Variants in NKAIN2 observed in about 807,000 individuals in gnomAD.
NKAIN2 encodes sodium/potassium transporting ATPase interacting 2, also known as sodium/potassium-transporting ATPase subunit beta-1-interacting protein 2.
NKAIN2 carries 14 observed loss-of-function variants against 32.6 expected under a neutral mutation model. That is an observed-to-expected ratio of 0.43 (90% CI 0.28 to 0.67). The LOEUF (loss-of-function observed/expected upper bound fraction) is 0.67, where lower values mean the gene tolerates loss of function less well. NKAIN2 is among the 30% of genes least tolerant of loss of function. The pLI, the probability that NKAIN2 is intolerant of heterozygous loss-of-function variation, is 0.17. For missense variants in NKAIN2, 198 were observed against 258.3 expected (o/e 0.77, Z 1.60); for synonymous variants, 80 against 87.2 (o/e 0.92, Z 0.46).
chr6:124,722,130 A>G (rs1377101130), intron 4 of NKAIN2, among the ~76,000 whole-genome samples: 1 of 152,178 alleles, frequency 6.6e-6, no homozygotes, highest in Non-Finnish European at 1.5e-5. Context: ...AAGGTTTATC[A>G]ATGTTGTAGC....
intron 3 of NKAIN2, among the ~76,000 whole-genome samples, chr6:124,636,156 C>T (rs1335541779): frequency 6.6e-6 from 1 of 151,518 alleles, no homozygotes; most frequent in African/African-American, 2.4e-5. Flanking sequence ...TTGGAAACCA[C>T]ACATGTCCAT....
rs139486641 is a variant in NKAIN2 at position 124,241,746 on chromosome 6, G to A, written c.55-41259G>A. Among the ~76,000 whole-genome samples the A allele has an allele frequency of 8.3e-3, 1,258 of 152,166 alleles. 8 individuals are homozygous for A. Among genetic ancestry groups the A allele is most frequent in the Admixed American group, 0.014 (207 of 15,260 alleles). On this transcript the variant is annotated intron_variant, in intron 1 of 6. Transcript: ENST00000368417. ...TATAATTGAGAAAAGCTTTCTACTG[G>A]AGAAATTACTATAAATCCCTCCACT...
intron 2 of NKAIN2, among the ~76,000 whole-genome samples, chr6:124,317,126 TA>T (rs144905995): frequency 0.059 from 8,925 of 150,488 alleles, 435 homozygotes; most frequent in East Asian, 0.24. Context: ...AACATCTCTT[TA>T]AAAAATAAAA....
At chr6:124,462,922 G>A (rs1326147040) in intron 3 of NKAIN2, among the ~76,000 whole-genome samples, 1 of 151,942 alleles carries the variant, frequency 6.6e-6, no homozygotes, top group Non-Finnish European at 1.5e-5. Context: ...AAAATCTTAA[G>A]CATTTATTCC....
intron 2 of NKAIN2, among the ~76,000 whole-genome samples, chr6:124,323,895 C>T (rs1368353729): frequency 6.7e-6 from 1 of 149,270 alleles, no homozygotes; most frequent in Non-Finnish European, 1.5e-5. Context: ...ACATGCCATT[C>T]TCCTGCCTCA....
intron 1 of NKAIN2, among the ~76,000 whole-genome samples, chr6:123,914,340 A>G (rs1302325627): frequency 3.3e-5 from 5 of 151,936 alleles, no homozygotes; most frequent in Non-Finnish European, 7.4e-5. Context: ...AGAGAGGGAA[A>G]AAGACATGTC....
At chr6:124,113,484 T>C (rs1465731523) in intron 1 of NKAIN2, among the ~76,000 whole-genome samples, 1 of 152,156 alleles carries the variant, frequency 6.6e-6, no homozygotes, top group Admixed American at 6.5e-5. Flanking sequence ...CACTCTGTGC[T>C]GAGCAGTGGG....
At chr6:124,634,340 C>A (rs774986057) in intron 3 of NKAIN2, among the ~76,000 whole-genome samples, 2 of 151,954 alleles carry the variant, frequency 1.3e-5, no homozygotes, top group Admixed American at 6.6e-5. Flanking sequence ...CACTGATAGA[C>A]AATTAAACAA....
intron 1 of NKAIN2, among the ~76,000 whole-genome samples, chr6:124,242,975 T>C (rs1793189589): frequency 6.6e-6 from 1 of 151,190 alleles, no homozygotes; most frequent in Non-Finnish European, 1.5e-5. Context: ...CACCATGGCA[T>C]GTGTACACCT....
chr6:124,331,374 A>AAAAAAAAAAC (rs1797649524), intron 2 of NKAIN2, among the ~76,000 whole-genome samples: 1 of 144,904 alleles, frequency 6.9e-6, no homozygotes, highest in African/African-American at 2.6e-5. Flanking sequence ...AAAAAAAAAA[A>AAAAAAAAAAC]AAAAACTAGC....
intron 1 of NKAIN2, among the ~76,000 whole-genome samples, chr6:123,804,807 A>G (rs1014724140): frequency 2.0e-5 from 3 of 152,156 alleles, no homozygotes; most frequent in Non-Finnish European, 2.9e-5. Flanking sequence ...AGCCACATTG[A>G]GTTTTTAAAG....
intron 4 of NKAIN2, among the ~76,000 whole-genome samples, chr6:124,780,557 A>C (rs910483130): frequency 6.6e-6 from 1 of 152,232 alleles, no homozygotes; most frequent in Non-Finnish European, 1.5e-5. Flanking sequence ...CCAGAGATTT[A>C]ATATGGAAGA....
At chr6:124,104,450 T>C (rs1177591257) in intron 1 of NKAIN2, among the ~76,000 whole-genome samples, 1 of 152,188 alleles carries the variant, frequency 6.6e-6, no homozygotes, top group Non-Finnish European at 1.5e-5. Flanking sequence ...TTTTATGTTA[T>C]AGCAAGTGAA....
chr6:124,174,679 A>T (rs939981167), intron 1 of NKAIN2, among the ~76,000 whole-genome samples: 1 of 152,140 alleles, frequency 6.6e-6, no homozygotes, highest in East Asian at 1.9e-4. Context: ...GCATCAAGAG[A>T]TTATTAAGGG....
intron 2 of NKAIN2, among the ~76,000 whole-genome samples, chr6:124,352,481 A>G: frequency 6.6e-6 from 1 of 152,242 alleles, no homozygotes; most frequent in East Asian, 1.9e-4. Flanking sequence ...GAAATTAAAA[A>G]GCTTCAGCAT....
intron 1 of NKAIN2, among the ~76,000 whole-genome samples, chr6:124,047,595 T>G (rs546072338): frequency 6.6e-6 from 1 of 152,124 alleles, no homozygotes; most frequent in African/African-American, 2.4e-5. Context: ...TTTCAGAGCC[T>G]GTGCTGTAAA....
chr6:124,695,449 A>T (rs916940088), intron 4 of NKAIN2, among the ~76,000 whole-genome samples: 1 of 152,208 alleles, frequency 6.6e-6, no homozygotes, highest in Non-Finnish European at 1.5e-5. Flanking sequence ...ACTCTCTTGC[A>T]AGAATTTTCC....
intron 1 of NKAIN2, among the ~76,000 whole-genome samples, chr6:124,123,212 G>A (rs1205184331): frequency 6.6e-6 from 1 of 151,962 alleles, no homozygotes; most frequent in Non-Finnish European, 1.5e-5. Flanking sequence ...TCCTGGTGCT[G>A]TGCAAATAAT....
intron 3 of NKAIN2, among the ~76,000 whole-genome samples, chr6:124,607,747 C>G (rs1782551432): frequency 6.6e-6 from 1 of 151,916 alleles, no homozygotes; most frequent in South Asian, 2.1e-4. Flanking sequence ...ATGGTTCAAC[C>G]TATGATTTTT....
Sources: gnomAD v4.1 joint callset for allele counts (sites outside exome capture counted in the v4.1 genomes callset) on GRCh38, gnomAD v4.1.1 for gene constraint, MANE v1.5 for transcripts, NCBI Gene and HGNC (gene_info 2026-07-23, HGNC 2026-07-21) for gene names.